Variants in ELAVL4 observed in about 807,000 individuals in gnomAD.
ELAVL4 encodes the protein ELAV like RNA binding protein 4, also known as ELAV-like protein 4.
A neutral mutation model predicts 35.6 loss-of-function variants in ELAVL4; 1 was observed. The observed-to-expected ratio is 0.03, with a 90% CI of 0.01 to 0.13. The LOEUF (loss-of-function observed/expected upper bound fraction) is 0.13, where lower values mean the gene tolerates loss of function less well. Ranked by LOEUF, ELAVL4 falls within the 10% of genes least tolerant of loss-of-function variation. ELAVL4 has a pLI of 1.00. For synonymous variants in ELAVL4, 156 were observed against 171.0 expected, an observed-to-expected ratio of 0.91 and a Z score of 0.69; for missense variants, 267 against 464.9, an observed-to-expected ratio of 0.57 and a Z score of 3.91.
intron 1 of ELAVL4, among the ~76,000 whole-genome samples, chr1:50,130,055 T>C (rs1670603536): frequency 6.6e-6 from 1 of 152,174 alleles, no homozygotes; most frequent in Non-Finnish European, 1.5e-5. Flanking sequence ...CCAACCCAAG[T>C]CGGATCACCT....
At chr1:50,182,875 T>C (rs539668806) in intron 3 of ELAVL4, among the ~76,000 whole-genome samples, 1 of 152,278 alleles carries the variant, frequency 6.6e-6, no homozygotes, top group South Asian at 2.1e-4. Context: ...CCATCCTTTT[T>C]TTTTTTTAAA....
chr1:50,056,411 T>C (rs986435119), intron 1 of ELAVL4, among the ~76,000 whole-genome samples: 1 of 152,188 alleles, frequency 6.6e-6, no homozygotes, highest in Admixed American at 6.5e-5. Context: ...AAGATTATAA[T>C]GGAGCTGAAA....
chr1:50,109,136 C>A lies in ELAVL4; in HGVS notation c.-54C>A. 6.4e-7 allele frequency: 1 copy of A among 1,572,126 alleles called. No homozygotes were observed. The highest frequency in any genetic ancestry group is 8.6e-7 in the Non-Finnish European group (1 of 1,161,542). On this transcript the variant is annotated 5_prime_UTR_variant, in exon 1 of 7. Coordinates refer to ENST00000371824, the MANE Select transcript of ELAVL4 (RefSeq NM_001144774.3). ...TTAAATATATATTCTGAAATCTTTGCAAATTTTAACAGAAGAGTCGAAGCT... is the reference window on the plus strand; with the variant it reads ...TTAAATATATATTCTGAAATCTTTGAAAATTTTAACAGAAGAGTCGAAGCT...
intron 2 of ELAVL4, among the ~76,000 whole-genome samples, chr1:50,169,267 C>T (rs1678556752): frequency 1.3e-5 from 2 of 152,084 alleles, no homozygotes; most frequent in African/African-American, 4.8e-5. Flanking sequence ...GTGGATCTGC[C>T]TTCCCCAGCC....
intron 3 of ELAVL4, among the ~76,000 whole-genome samples, 194 bp downstream of exon 3, chr1:50,177,386 G>A (rs1485609407): frequency 6.6e-6 from 1 of 152,190 alleles, no homozygotes; most frequent in Non-Finnish European, 1.5e-5. Context: ...GTAGAGGGAA[G>A]GGACCACAAG....
upstream of ELAVL4, chr1:50,106,410 G>C: frequency 6.3e-7 from 1 of 1,598,406 alleles, no homozygotes. Context: ...GGAATACAGC[G>C]GCGCTGGCAG....
At chr1:50,155,385 G>T (rs537654114) in intron 2 of ELAVL4, among the ~76,000 whole-genome samples, 1 of 151,966 alleles carries the variant, frequency 6.6e-6, no homozygotes, top group Non-Finnish European at 1.5e-5. Flanking sequence ...GCCTCTGATT[G>T]TAGAGACACT....
intron 2 of ELAVL4, among the ~76,000 whole-genome samples, chr1:50,169,199 T>G (rs1678544772): frequency 6.6e-6 from 1 of 151,932 alleles, no homozygotes; most frequent in African/African-American, 2.4e-5. Flanking sequence ...CTTTTCACAT[T>G]TTTCTGCCTG....
chr1:50,155,054 G>T (rs1238153893), intron 2 of ELAVL4, among the ~76,000 whole-genome samples: 1 of 151,438 alleles, frequency 6.6e-6, no homozygotes, highest in Non-Finnish European at 1.5e-5. Flanking sequence ...TTAAGTTTTA[G>T]GGTACATGTG....
At chr1:50,142,204 T>A (rs1174828522) in intron 1 of ELAVL4, among the ~76,000 whole-genome samples, 1 of 152,210 alleles carries the variant, frequency 6.6e-6, no homozygotes, top group Non-Finnish European at 1.5e-5. Flanking sequence ...AGTTTTTTGT[T>A]TTTTTGTTTT....
intron 2 of ELAVL4, among the ~76,000 whole-genome samples, chr1:50,158,279 A>G (rs527292157): frequency 1.3e-5 from 2 of 152,222 alleles, no homozygotes; most frequent in Non-Finnish European, 2.9e-5. Flanking sequence ...TAACTTATCT[A>G]AGATCACACA....
At chr1:50,161,010 A>C (rs184237026) in intron 2 of ELAVL4, among the ~76,000 whole-genome samples, 16 of 152,272 alleles carry the variant, frequency 1.1e-4, no homozygotes, top group African/African-American at 3.6e-4. Flanking sequence ...GGCTAATTAC[A>C]GTGTATGTAA....
chr1:50,118,276 T>G (rs922417567), intron 1 of ELAVL4, among the ~76,000 whole-genome samples: 3 of 152,092 alleles, frequency 2.0e-5, no homozygotes, highest in Non-Finnish European at 2.9e-5. Context: ...GGCTGAACTT[T>G]GAAGTTCTGT....
At chr1:50,107,978 A>C (rs1666489636), upstream of ELAVL4, among the ~76,000 whole-genome samples, 1 of 152,322 alleles carries the variant, frequency 6.6e-6, no homozygotes, top group East Asian at 1.9e-4. Context: ...AGAGAAGCAA[A>C]ATCACTTATT....
chr1:50,154,828 C>T (rs557826864), intron 2 of ELAVL4, among the ~76,000 whole-genome samples: 1 of 151,116 alleles, frequency 6.6e-6, no homozygotes, highest in Admixed American at 6.6e-5. Flanking sequence ...TTTGACATGT[C>T]ACTTTGATCC....
chr1:50,177,038 CTCTG>C (rs777062802), intron 2 of ELAVL4, 47 bp from the exon 3 acceptor site: 5 of 1,478,284 alleles, frequency 3.4e-6, no homozygotes, highest in African/African-American at 2.8e-5. Flanking sequence ...CTCTCTTTCT[CTCTG>C]TCTGTCTCTC....
At chr1:50,087,157 T>G (rs1665284095) in intron 1 of ELAVL4, among the ~76,000 whole-genome samples, 1 of 152,230 alleles carries the variant, frequency 6.6e-6, no homozygotes, top group Non-Finnish European at 1.5e-5. Context: ...GGATAATCTT[T>G]TTCTAATCAC....
upstream of ELAVL4, among the ~76,000 whole-genome samples, chr1:50,108,007 ACT>A (rs992655612): frequency 8.5e-5 from 13 of 152,098 alleles, no homozygotes; most frequent in African/African-American, 7.2e-5. Flanking sequence ...CAAAATGAAC[ACT>A]CTGCACAGGT....
intron 1 of ELAVL4, among the ~76,000 whole-genome samples, chr1:50,112,785 C>T (rs1282169926): frequency 1.3e-5 from 2 of 152,056 alleles, no homozygotes; most frequent in Admixed American, 6.6e-5. Context: ...AAGTCATTCT[C>T]CTGGCCAGAT....
Sources: allele counts gnomAD v4.1 joint callset (sites outside exome capture counted in the v4.1 genomes callset), GRCh38; gene constraint gnomAD v4.1.1; transcripts MANE v1.5; gene names NCBI Gene and HGNC (gene_info 2026-07-23, HGNC 2026-07-21).